BICDL1: variants seen among roughly 807,000 people sequenced by gnomAD.
BICDL1 encodes BICD family-like cargo adapter 1.
BICDL1 carries 20 observed loss-of-function variants against 76.8 expected under a neutral mutation model. The ratio of observed to expected loss-of-function variants is 0.26; its 90% CI spans 0.18 to 0.38. BICDL1 has a LOEUF of 0.38. Ranked by LOEUF, BICDL1 falls within the 10% of genes least tolerant of loss-of-function variation. The pLI is 1.00. For missense variants in BICDL1, 700 were observed against 798.6 expected (o/e 0.88, Z 1.49); for synonymous variants, 383 against 337.1 (o/e 1.14, Z -1.49).
At chr12:120,065,892 C>G (rs944486167) in intron 4 of BICDL1, among the ~76,000 whole-genome samples, 42 of 152,166 alleles carry the variant, frequency 2.8e-4, no homozygotes, top group African/African-American at 9.4e-4. Flanking sequence ...AGTGATTAAC[C>G]GCTTTGAGGG....
chr12:120,035,152 A>G (rs1231941859), intron 2 of BICDL1, among the ~76,000 whole-genome samples: 1 of 152,206 alleles, frequency 6.6e-6, no homozygotes, highest in Admixed American at 6.5e-5. Flanking sequence ...CCTGGCCAAC[A>G]TGGCAAAACC....
rs929383422 is a variant in BICDL1 at position 120,052,035 on chromosome 12, G to A, written c.646-9675G>A. Among the ~76,000 whole-genome samples, 6 of 152,052 alleles carry A rather than the reference G, an allele frequency of 3.9e-5. No homozygotes were observed. In the East Asian group the frequency reaches 5.8e-4, roughly 15 times the overall value. On this transcript the variant is annotated intron_variant, in intron 2 of 9. Coordinates refer to ENST00000548673, the MANE Select transcript of BICDL1 (RefSeq NM_001367886.1). ...GGCTCACTGCAACCTCTGCCTCCCC[G>A]GTTCATGTGATTCTCCTGCCTCAGC... is the stretch of plus-strand genomic sequence containing the variant.
chr12:120,055,239 A>C (rs1952949640), intron 2 of BICDL1, among the ~76,000 whole-genome samples: 1 of 152,202 alleles, frequency 6.6e-6, no homozygotes, highest in Non-Finnish European at 1.5e-5. Flanking sequence ...TTATTAGTTC[A>C]TTTGTTTTCT....
intron 2 of BICDL1, among the ~76,000 whole-genome samples, chr12:120,049,451 C>T (rs752731696): frequency 5.3e-5 from 8 of 152,088 alleles, no homozygotes; most frequent in Admixed American, 3.3e-4. Context: ...TAACATGGGC[C>T]GTATTTGTGG....
In BICDL1 at chr12:119,990,094, C is replaced by T. The variant is rs892004401; in HGVS notation, c.226C>T (p.Pro76Ser). 4 of 1,548,732 alleles carry T rather than the reference C, an allele frequency of 2.6e-6. No homozygotes were observed. The Admixed American group carries it at 5.9e-5, about 23-fold the overall frequency. ...GCGGCCGTCCGACCCCGGGGAACAC[C>T]CTCAGGCCGAGCCTGGGTCTCTGGC... ...GERPSDPGEH[P>S]QAEPGSLAEG... The change falls in exon 1 of 10, where the codon CCT (proline) becomes TCT (serine). Residue 76 changes from proline to serine, a missense_variant. This residue lies in a region of BICDL1 where 225 missense variants were observed against 199.6 expected (regional missense o/e 1.13). Transcript: ENST00000548673.
intron 8 of BICDL1, 68 bp from the exon 9 acceptor site, chr12:120,089,883 C>T: frequency 2.5e-6 from 4 of 1,569,294 alleles, no homozygotes; most frequent in Non-Finnish European, 3.5e-6. Context: ...ACTCCAGGTG[C>T]CCCAAGTAAA....
intron 2 of BICDL1, among the ~76,000 whole-genome samples, chr12:120,026,186 C>T (rs954286331): frequency 2.6e-5 from 4 of 151,848 alleles, no homozygotes; most frequent in Non-Finnish European, 4.4e-5. Flanking sequence ...TTGTAGAATT[C>T]GACAAGTGCA....
chr12:120,090,768 T>C, intron 9 of BICDL1: 1 of 642,426 alleles, frequency 1.6e-6, no homozygotes, highest in Non-Finnish European at 2.4e-6. Context: ...TGGTGACCAT[T>C]CCTCCCAGGG....
rs551362155 is a variant in BICDL1, at chr12:120,081,003, C to T, written c.1569C>T (p.Asp523=). The change falls in exon 8 of 10, where the codon GAC becomes GAT. Residue 523 remains aspartate (D), a synonymous_variant. Transcript: ENST00000548673. The stretch of plus-strand genomic sequence containing the variant: ...TTCAGAAGGCCATCAGGGACCGCGA[C>T]GAGGCCATTGCAAAGTGAGTAGGGA... ...EQLQKAIRDR[D]EAIAKKNAVE... is the part of the protein sequence containing the mutation. The T allele has an allele frequency of 2.9e-5, 46 of 1,613,322 alleles. No individual in the cohort carries two copies. Among genetic ancestry groups the T allele is most frequent in the Non-Finnish European group, 3.5e-5 (41 of 1,179,778 alleles).
chr12:120,091,709 C>A, intron 9 of BICDL1: 1 of 985,336 alleles, frequency 1.0e-6, no homozygotes, highest in Non-Finnish European at 1.2e-6. Flanking sequence ...GGTCCACACT[C>A]ACTGCTACCC....
chr12:120,061,807 T>A lies in BICDL1; in HGVS notation c.743T>A (p.Leu248Gln). The change falls in exon 3 of 10, where the codon CTG (leucine) becomes CAG (glutamine). Residue 248 changes from leucine to glutamine, a missense_variant. By Grantham distance (113) the Leu-to-Gln change is moderately radical. Around this residue, in one of 3 missense-constraint regions of BICDL1, gnomAD observed 455 missense variants for 548.7 expected, o/e 0.83. Transcript: ENST00000548673. ...TCAACCAACCAGCACATTATCCGGC[T>A]GGAGAGCCTTCAGGCCGAGGTGAGC... ...NSSTNQHIIRLESLQAEIKML... is the reference protein window; with the variant it reads ...NSSTNQHIIRQESLQAEIKML... 6.2e-7 allele frequency: 1 copy of A among 1,614,028 alleles called. No homozygotes were observed. Among genetic ancestry groups the A allele is most frequent in the Non-Finnish European group, 8.5e-7 (1 of 1,179,876 alleles).
At chr12:120,033,770 A>T (rs1423872020) in intron 2 of BICDL1, among the ~76,000 whole-genome samples, 2 of 152,090 alleles carry the variant, frequency 1.3e-5, no homozygotes, top group Non-Finnish European at 2.9e-5. Context: ...ATTTTGTATT[A>T]ACTGGAGAGA....
chr12:119,996,853 C>T (rs1212028584), intron 1 of BICDL1, among the ~76,000 whole-genome samples: 2 of 152,066 alleles, frequency 1.3e-5, no homozygotes, highest in African/African-American at 4.8e-5. Flanking sequence ...TCCTAGAGTC[C>T]TTGAAGTATA....
At chr12:120,025,839 T>A (rs1401617807) in intron 2 of BICDL1, among the ~76,000 whole-genome samples, 3 of 151,954 alleles carry the variant, frequency 2.0e-5, no homozygotes, top group African/African-American at 7.2e-5. Context: ...TACTGCTTTC[T>A]TTTTTTTCTT....
At chr12:120,020,916 C>G (rs967394984) in intron 2 of BICDL1, among the ~76,000 whole-genome samples, 3 of 152,070 alleles carry the variant, frequency 2.0e-5, no homozygotes, top group Admixed American at 6.5e-5. Flanking sequence ...TTTAGACAGG[C>G]CTTGTGCTGG....
chr12:120,082,577 T>C (rs1874074954), intron 8 of BICDL1, among the ~76,000 whole-genome samples: 1 of 149,744 alleles, frequency 6.7e-6, no homozygotes, highest in Non-Finnish European at 1.5e-5. Context: ...TAAAAATGTT[T>C]TGTGTTTTTT....
At chr12:120,073,811 TC>T (rs1313686571) in intron 6 of BICDL1, among the ~76,000 whole-genome samples, 1 of 152,206 alleles carries the variant, frequency 6.6e-6, no homozygotes, top group Non-Finnish European at 1.5e-5. Context: ...AAGAGAGCTG[TC>T]AGAATGTGAT....
chr12:120,019,303 A>G (rs574946862), intron 2 of BICDL1: 6 of 151,964 alleles, frequency 3.9e-5, no homozygotes, highest in South Asian at 2.1e-4. Context: ...TTGTAACTGC[A>G]TTTGTACTGT....
At chr12:120,038,063 GA>G (rs1952561089) in intron 2 of BICDL1, among the ~76,000 whole-genome samples, 1 of 152,218 alleles carries the variant, frequency 6.6e-6, no homozygotes, top group South Asian at 2.1e-4. Flanking sequence ...GCCCTGGGTA[GA>G]CAGAGGCCAG....
Sources: allele counts gnomAD v4.1 joint callset (sites outside exome capture counted in the v4.1 genomes callset), GRCh38; gene constraint gnomAD v4.1.1; regional missense constraint gnomAD v4.1.1; transcripts MANE v1.5; gene names NCBI Gene and HGNC (gene_info 2026-07-23, HGNC 2026-07-21).